GRIP2: variants seen among roughly 807,000 people sequenced by gnomAD.
The protein encoded by GRIP2 is glutamate receptor interacting protein 2.
In GRIP2, 58 loss-of-function variants were observed where a neutral mutation model predicts 108.3. That is an observed-to-expected ratio of 0.54 (90% CI 0.43 to 0.67). The LOEUF is 0.67. Among genes scored for constraint, GRIP2 ranks in the 30% least tolerant of loss-of-function variants. The pLI is 0.00. For synonymous variants in GRIP2, 586 were observed against 598.2 expected (o/e 0.98, Z 0.30); for missense variants, 1,278 against 1,430.6 (o/e 0.89, Z 1.72).
chr3:14,524,427 C>T lies in GRIP2; in HGVS notation c.369G>A (p.Val123=), dbSNP rs1380172763. The part of the protein sequence containing the change: ...ITLLKNVGER[V]VLEVEYELPP... ...GCAGCTCATACTCCACCTCCAGCAC[C>T]ACGCGCTCGCCCACATTCTTGAGCA... Residue 123 remains valine, a synonymous_variant, in exon 4 of 24, where the codon GTG becomes GTA. Transcript: ENST00000621039. 6.2e-7 allele frequency: 1 copy of T among 1,608,384 alleles called. No individual in the cohort carries two copies. Among genetic ancestry groups the T allele is most frequent in the South Asian group, 1.1e-5 (1 of 89,406 alleles).
chr3:14,560,891 G>C (rs988765756), upstream of GRIP2, among the ~76,000 whole-genome samples: 4 of 152,218 alleles, frequency 2.6e-5, no homozygotes, highest in African/African-American at 9.6e-5. Flanking sequence ...CAAGGGCTCA[G>C]TGAATGAGAG....
chr3:14,566,226 G>A, the GRIP2 span, among the ~76,000 whole-genome samples: 27 of 152,348 alleles, frequency 1.8e-4, 1 homozygote, highest in South Asian at 5.4e-3. Context: ...GACAGACCAT[G>A]AGAGCCACAG....
Position 14,527,557 on chromosome 3 carries a change from A to G in GRIP2, c.41-1626T>C, listed in dbSNP as rs529985960. Among the ~76,000 whole-genome samples, 14 of 152,244 alleles carry G rather than the reference A, an allele frequency of 9.2e-5. 2 individuals are homozygous for G. In the South Asian group the frequency reaches 2.9e-3, roughly 32 times the overall value. On this transcript the variant is annotated intron_variant, in intron 1 of 23. Transcript: ENST00000621039. ...GCTCCAGGAATCTGTATGTGTGTGT[A>G]TATTAGTATATTAGTCTAACTTATA...
chr3:14,534,607 C>G (rs1457612106), intron 1 of GRIP2, among the ~76,000 whole-genome samples: 1 of 151,880 alleles, frequency 6.6e-6, no homozygotes, highest in Non-Finnish European at 1.5e-5. Flanking sequence ...TGTAGGAACT[C>G]GCTTCAGAGG....
chr3:14,575,661 G>A, the GRIP2 span, among the ~76,000 whole-genome samples: 1 of 152,252 alleles, frequency 6.6e-6, no homozygotes, highest in Non-Finnish European at 1.5e-5. Flanking sequence ...CCACAGCCGA[G>A]GCTGGCAGCC....
At chr3:14,574,094 A>C in the GRIP2 span, 188,164 of 1,235,524 alleles carry the variant, frequency 0.15, 15,037 homozygotes, top group African/African-American at 0.23. Context: ...GGTTCCACAG[A>C]ATCGAGTCCA....
the GRIP2 span, among the ~76,000 whole-genome samples, chr3:14,562,295 A>C: frequency 1.3e-5 from 2 of 152,178 alleles, no homozygotes; most frequent in Non-Finnish European, 2.9e-5. Context: ...AAAGTAAGGA[A>C]GTGTTCAGGG....
chr3:14,497,123 A>G (rs1475016278), intron 21 of GRIP2, among the ~76,000 whole-genome samples: 4 of 152,116 alleles, frequency 2.6e-5, no homozygotes. Flanking sequence ...CACCATGCCC[A>G]GCTAATTTTA....
the GRIP2 span, among the ~76,000 whole-genome samples, chr3:14,598,275 G>T: frequency 6.6e-6 from 1 of 151,284 alleles, no homozygotes; most frequent in African/African-American, 2.4e-5. Flanking sequence ...ATCAAAAGCC[G>T]CCTTATCGTC....
the GRIP2 span, among the ~76,000 whole-genome samples, chr3:14,602,563 G>A: frequency 4.4e-4 from 66 of 151,598 alleles, no homozygotes; most frequent in Middle Eastern, 3.5e-3. This position sits in a 1 kb window ranked among gnomAD's most constrained non-coding sequence, Gnocchi z 4.7. Flanking sequence ...GCCAAGCCAG[G>A]GCTCCCTCCA....
chr3:14,573,531 C>T, the GRIP2 span: 3 of 1,490,628 alleles, frequency 2.0e-6, no homozygotes, highest in African/African-American at 2.8e-5. Flanking sequence ...CACCTGAGAG[C>T]AGAGCATGGC....
At chr3:14,572,281 G>A in the GRIP2 span, among the ~76,000 whole-genome samples, 219 of 149,636 alleles carry the variant, frequency 1.5e-3, no homozygotes, top group Non-Finnish European at 2.3e-3. Context: ...TTTCTAAAAC[G>A]CTCCCAGGTC....
At chr3:14,503,457 AC>A (rs1189139282) in intron 21 of GRIP2, 108 bp downstream of exon 21, 19 of 738,416 alleles carry the variant, frequency 2.6e-5, no homozygotes, top group Non-Finnish European at 4.4e-5. Flanking sequence ...GCATACGTAC[AC>A]ATTACACATG....
At chr3:14,592,986 T>C in the GRIP2 span, among the ~76,000 whole-genome samples, 1 of 152,192 alleles carries the variant, frequency 6.6e-6, no homozygotes, top group Admixed American at 6.5e-5. Context: ...TGCCACCATC[T>C]AACTTGAGTA....
At position 14,517,494 on chromosome 3, in the gene GRIP2, C is replaced by CTTTTTT. The variant is rs146509076; in HGVS notation, c.1156+272_1156+277dup. ...GAGGCAGGCCACCTAATCTCTCTCT[C>CTTTTTT]TTTTTTTTTTTTTTTTTTTTTTTTT... On this transcript the variant is annotated intron_variant, in intron 10 of 23. Coordinates refer to ENST00000621039, the MANE Select transcript of GRIP2 (RefSeq NM_001080423.4). Among the ~76,000 whole-genome samples, 3 of 107,754 alleles carry CTTTTTT rather than the reference C, an allele frequency of 2.8e-5. 1 individual carries two copies. 70.7% of individuals were successfully genotyped at this position (107,754 alleles called of 152,430 possible).
chr3:14,527,232 T>G, intron 1 of GRIP2, among the ~76,000 whole-genome samples: 1 of 146,784 alleles, frequency 6.8e-6, no homozygotes, highest in African/African-American at 2.5e-5. Context: ...AGAGAGGGGG[T>G]GAGAAAGAAG....
the GRIP2 span, chr3:14,573,621 C>T: frequency 6.7e-7 from 1 of 1,497,200 alleles, no homozygotes; most frequent in Non-Finnish European, 9.3e-7. Flanking sequence ...GCCAATGCAG[C>T]AGGGCCGTCC....
the GRIP2 span, among the ~76,000 whole-genome samples, chr3:14,593,053 T>C: frequency 1.3e-5 from 2 of 152,168 alleles, no homozygotes; most frequent in Admixed American, 6.5e-5. Context: ...AGGACAAGCC[T>C]GGTGTCACCA....
chr3:14,502,393 C>T (rs58290704), intron 21 of GRIP2, among the ~76,000 whole-genome samples: 2 of 151,874 alleles, frequency 1.3e-5, no homozygotes, highest in East Asian at 3.9e-4. Flanking sequence ...ACTCAGGAGG[C>T]TGAGGCATGA....
Sources: allele counts gnomAD v4.1 joint callset (sites outside exome capture counted in the v4.1 genomes callset), GRCh38; gene constraint gnomAD v4.1.1; non-coding constraint Gnocchi (gnomAD v3.1); transcripts MANE v1.5; gene names NCBI Gene and HGNC (gene_info 2026-07-23, HGNC 2026-07-21).